The following IFIH1 variants were observed in gnomAD, a reference collection of about 807,000 sequenced individuals.
The protein encoded by IFIH1 is interferon induced with helicase C domain 1.
IFIH1 carries 125 observed loss-of-function variants against 107.4 expected under a neutral mutation model. The observed-to-expected ratio is 1.16, with a 90% CI of 1.01 to 1.35. The LOEUF (loss-of-function observed/expected upper bound fraction) is 1.35, where lower values mean the gene tolerates loss of function less well. Among genes scored for constraint, IFIH1 ranks in the 40% most tolerant of loss-of-function variants. The pLI is 0.00. For missense variants in IFIH1, 1,333 were observed against 1,213.7 expected (o/e 1.10, Z -1.46); for synonymous variants, 458 against 413.2 (o/e 1.11, Z -1.31).
At chr2:162,278,178 T>A in intron 9 of IFIH1, 27 bp downstream of exon 9, 1 of 1,584,022 alleles carries the variant, frequency 6.3e-7, no homozygotes, top group Non-Finnish European at 8.6e-7. Context: ...TGGGATAAAC[T>A]AAGTGTTAGG....
intron 5 of IFIH1, among the ~76,000 whole-genome samples, chr2:162,287,748 A>G (rs934558847): frequency 6.6e-6 from 1 of 151,964 alleles, no homozygotes; most frequent in African/African-American, 2.4e-5. Flanking sequence ...CCTTGATTCC[A>G]GTGATATTTT....
At chr2:162,276,387 G>C (rs1438462763) in intron 11 of IFIH1, among the ~76,000 whole-genome samples, 1 of 152,194 alleles carries the variant, frequency 6.6e-6, no homozygotes, top group Non-Finnish European at 1.5e-5. Context: ...AGGATGGCTT[G>C]AGCCCAGGAG....
intron 13 of IFIH1, among the ~76,000 whole-genome samples, chr2:162,271,740 CT>C (rs1158981153): frequency 6.6e-6 from 1 of 152,082 alleles, no homozygotes; most frequent in Non-Finnish European, 1.5e-5. Context: ...TGTTTGTTTA[CT>C]GTTTCTGTCC....
Position 162,288,134 on chromosome 2 carries a change from C to A in IFIH1, c.1095+1G>T, listed in dbSNP as rs140125523. ...ACTAGTGTTATGTGTTCTTTGAATA[C>A]CTTATTGACAAGAACTATAACTTTT... On this transcript the variant is annotated splice_donor_variant, in intron 5 of 15. Transcript: ENST00000649979. LOFTEE classifies it high-confidence loss of function. 7 of 1,585,614 alleles carry A rather than the reference C, an allele frequency of 4.4e-6. No individual in the cohort carries two copies. Among genetic ancestry groups the A allele is most frequent in the Admixed American group, 1.7e-5 (1 of 59,684 alleles).
intron 4 of IFIH1, among the ~76,000 whole-genome samples, chr2:162,290,359 C>G (rs1384121468): frequency 6.6e-6 from 1 of 151,796 alleles, no homozygotes; most frequent in South Asian, 2.1e-4. Flanking sequence ...TCCTAAGTCT[C>G]TTTCCCGAGA....
chr2:162,295,871 A>G (rs1417779530), intron 3 of IFIH1, among the ~76,000 whole-genome samples: 2 of 151,996 alleles, frequency 1.3e-5, no homozygotes, highest in Non-Finnish European at 2.9e-5. Context: ...CAAGGTGTAA[A>G]ATGAGATGGG....
chr2:162,285,007 G>A (rs1309443938), intron 5 of IFIH1, among the ~76,000 whole-genome samples: 1 of 151,980 alleles, frequency 6.6e-6, no homozygotes, highest in East Asian at 1.9e-4. Context: ...TGGAAATCCT[G>A]ATACTCGCTC....
chr2:162,300,395 C>T (rs1366122637), intron 3 of IFIH1, among the ~76,000 whole-genome samples: 1 of 152,160 alleles, frequency 6.6e-6, no homozygotes, highest in African/African-American at 2.4e-5. Context: ...GTATTAACTG[C>T]ACACTGGGGA....
chr2:162,280,531 C>T (rs751107045), intron 7 of IFIH1, among the ~76,000 whole-genome samples: 4 of 150,340 alleles, frequency 2.7e-5, no homozygotes, highest in East Asian at 2.0e-4. Context: ...ACTTGACATC[C>T]GTGGATCATA....
In IFIH1 at chr2:162,267,110, TATGTC is replaced by T. The variant is rs2105186334; in HGVS notation, c.*85_*89del. ...GTAAAACAATCATTTTATTGATTCTTATGTCAGTTCTGTAGCATAATGAATACATT... is the reference window on the plus strand; with the variant it reads ...GTAAAACAATCATTTTATTGATTCTTAGTTCTGTAGCATAATGAATACATT... On this transcript the variant is annotated 3_prime_UTR_variant, in exon 16 of 16. Transcript: ENST00000649979. 2 of 957,436 alleles carry T rather than the reference TATGTC, an allele frequency of 2.1e-6. No homozygotes were observed. The highest frequency in any genetic ancestry group is 5.0e-5 in the East Asian group (2 of 39,838). 59.3% of individuals were successfully genotyped at this position (957,436 alleles called of 1,614,324 possible). A position where few individuals can be genotyped will look rare whatever the true frequency, so the allele number is the denominator to read the frequency against.
In IFIH1 at chr2:162,268,258, T is replaced by C; in HGVS notation, c.2636A>G (p.Gln879Arg). The C allele has an allele frequency of 6.2e-7, 1 of 1,607,754 alleles. No homozygotes were observed. The highest frequency in any genetic ancestry group is 8.5e-7 in the Non-Finnish European group (1 of 1,176,026). ...TTTCATTTTCTTTTCCATTATACTT[T>C]GCATCTGTAATTCCAAAATCTGGAC... ...YAHKILELQM[Q>R]SIMEKKMKTK... The change falls in exon 14 of 16, where the codon CAA (glutamine) becomes CGA (arginine). Residue 879 changes from glutamine (Q) to arginine (R), a missense_variant. Transcript: ENST00000649979.
intron 14 of IFIH1, 111 bp from the exon 15 acceptor site, chr2:162,267,680 G>T (rs1012716953): frequency 3.8e-6 from 3 of 783,128 alleles, no homozygotes; most frequent in South Asian, 1.5e-5. Flanking sequence ...TATTCTACAC[G>T]GCATTCCTTC....
intron 3 of IFIH1, among the ~76,000 whole-genome samples, chr2:162,299,683 A>G (rs975364979): frequency 6.6e-6 from 1 of 152,132 alleles, no homozygotes; most frequent in Admixed American, 6.5e-5. Flanking sequence ...ACACACATGC[A>G]TTGTGCTGGC....
Position 162,293,947 on chromosome 2 carries a change from C to A in IFIH1, c.770-279G>T, listed in dbSNP as rs543087262. Among the ~76,000 whole-genome samples, 127 of 152,006 alleles carry A rather than the reference C, an allele frequency of 8.4e-4. 1 individual carries two copies. Among genetic ancestry groups the A allele is most frequent in the African/African-American group, 2.3e-3 (97 of 41,522 alleles). ...AAAGCAAATTCCTAAGGGTTTATAA[C>A]TTTTATTGCCCTTCTACATGTAAAT... On this transcript the variant is annotated intron_variant, in intron 3 of 15. Transcript: ENST00000649979.
intron 5 of IFIH1, among the ~76,000 whole-genome samples, chr2:162,286,011 A>T (rs990460263): frequency 6.6e-6 from 1 of 151,982 alleles, no homozygotes; most frequent in Non-Finnish European, 1.5e-5. Flanking sequence ...GCTGGGTGTC[A>T]TATCTCATGT....
intron 13 of IFIH1, among the ~76,000 whole-genome samples, chr2:162,270,511 C>T (rs1691014740): frequency 6.6e-6 from 1 of 152,152 alleles, no homozygotes; most frequent in Admixed American, 6.5e-5. Context: ...TTCCCCATTG[C>T]CACTCCTACT....
intron 2 of IFIH1, 178 bp from the exon 3 acceptor site, chr2:162,307,033 T>C: frequency 1.9e-6 from 1 of 530,288 alleles, no homozygotes; most frequent in South Asian, 2.8e-5. Context: ...TGCAAGATTT[T>C]ATACAATATA....
At chr2:162,285,303 A>G (rs1682877445) in intron 5 of IFIH1, among the ~76,000 whole-genome samples, 1 of 151,918 alleles carries the variant, frequency 6.6e-6, no homozygotes, top group South Asian at 2.1e-4. Flanking sequence ...CTGCATTCGA[A>G]GGCTATAACT....
chr2:162,285,662 T>A (rs1242547691), intron 5 of IFIH1, among the ~76,000 whole-genome samples: 3 of 151,916 alleles, frequency 2.0e-5, no homozygotes, highest in Non-Finnish European at 4.4e-5. Context: ...TTAATGAGGA[T>A]AAATTAATAT....
Sources: allele counts gnomAD v4.1 joint callset (sites outside exome capture counted in the v4.1 genomes callset), GRCh38; gene constraint gnomAD v4.1.1; transcripts MANE v1.5; gene names NCBI Gene and HGNC (gene_info 2026-07-23, HGNC 2026-07-21).